ATP8A1: variants seen among roughly 807,000 people sequenced by gnomAD.
ATP8A1 encodes the protein ATPase phospholipid transporting 8A1, also known as phospholipid-transporting ATPase IA.
In ATP8A1, 90 loss-of-function variants were observed where a neutral mutation model predicts 177.7. The ratio of observed to expected loss-of-function variants is 0.51; its 90% CI spans 0.43 to 0.60. ATP8A1 has a LOEUF of 0.60. Ranked by LOEUF, ATP8A1 falls within the 20% of genes least tolerant of loss-of-function variation. The probability of loss-of-function intolerance (pLI) is 0.00; values close to 1 mark genes in which losing one functional copy is unlikely to be tolerated. For synonymous variants in ATP8A1, 493 were observed against 485.9 expected, an observed-to-expected ratio of 1.01 and a Z score of -0.19; for missense variants, 1,072 against 1,392.8, an observed-to-expected ratio of 0.77 and a Z score of 3.67.
chr4:42,610,792 A>C (rs7693893), intron 5 of ATP8A1, among the ~76,000 whole-genome samples: 31,396 of 152,112 alleles, frequency 0.21, 3,311 homozygotes, highest in African/African-American at 0.21. Context: ...GCTTAATTTT[A>C]AGTCCCTAGG....
At chr4:42,574,068 A>G (rs1732171817) in intron 14 of ATP8A1, among the ~76,000 whole-genome samples, 1 of 152,220 alleles carries the variant, frequency 6.6e-6, no homozygotes, top group East Asian at 1.9e-4. Context: ...TGGGTGCTCA[A>G]CAAGCAATTC....
intron 30 of ATP8A1, among the ~76,000 whole-genome samples, chr4:42,448,395 T>TTTA (rs1553874979): frequency 2.4e-5 from 2 of 84,100 alleles, no homozygotes; most frequent in African/African-American, 8.5e-5. Flanking sequence ...TCCTTCTCTT[T>TTTA]CTTTTCTTTT....
chr4:42,415,446 C>T (rs1431067793), intron 35 of ATP8A1, among the ~76,000 whole-genome samples: 1 of 148,428 alleles, frequency 6.7e-6, no homozygotes, highest in African/African-American at 2.5e-5. Context: ...AATAAGGCAT[C>T]TTCTCCCCCA....
At chr4:42,467,768 A>C (rs143991753) in intron 25 of ATP8A1, among the ~76,000 whole-genome samples, 2,721 of 152,324 alleles carry the variant, frequency 0.018, 40 homozygotes, top group Non-Finnish European at 0.028. Flanking sequence ...TAGTGATGTC[A>C]AGCATTTTTT....
rs1382238883 is a variant in ATP8A1, at chr4:42,434,541, T to C, written c.3123+9024A>G. On this transcript the variant is annotated intron_variant, in intron 33 of 36. Transcript: ENST00000381668. ...AAACTGACTTACATGGCTGAGACTT[T>C]TAGTTGCCCTTCATTCTATCAAATC... 7.2e-5 allele frequency among the ~76,000 whole-genome samples: 11 copies of C among 152,212 alleles called. No homozygotes were observed. In the East Asian group the frequency reaches 2.1e-3, roughly 29 times the overall value.
Position 42,414,000 on chromosome 4 carries a change from A to G in ATP8A1, c.3397+627T>C, listed in dbSNP as rs370102780. On this transcript the variant is annotated intron_variant, in intron 36 of 36. Transcript: ENST00000381668. Reference sequence around the variant, plus strand: ...GGCATGGGCATAAGGAATGGCCCCCAAGGGGATCACATCTTTAGAAAAGGC... The same window carrying G: ...GGCATGGGCATAAGGAATGGCCCCCGAGGGGATCACATCTTTAGAAAAGGC... Among the ~76,000 whole-genome samples the G allele has an allele frequency of 5.1e-4, 77 of 152,368 alleles. 1 individual carries two copies. In the East Asian group the frequency reaches 9.6e-3, roughly 19 times the overall value.
intron 4 of ATP8A1, among the ~76,000 whole-genome samples, chr4:42,616,620 C>T (rs1399933076): frequency 2.0e-5 from 3 of 152,174 alleles, no homozygotes; most frequent in South Asian, 4.1e-4. Flanking sequence ...ATACAGTCTC[C>T]CCTGTTCAAT....
At chr4:42,616,666 C>T (rs952974042) in intron 4 of ATP8A1, among the ~76,000 whole-genome samples, 13 of 152,262 alleles carry the variant, frequency 8.5e-5, no homozygotes, top group African/African-American at 2.6e-4. Context: ...CACTTGCAAC[C>T]GAAAGCCATT....
At chr4:42,482,279 G>A (rs1235112800) in intron 25 of ATP8A1, among the ~76,000 whole-genome samples, 1 of 151,780 alleles carries the variant, frequency 6.6e-6, no homozygotes, top group Non-Finnish European at 1.5e-5. Flanking sequence ...TCTCCACCCT[G>A]GGTGACAGAG....
intron 22 of ATP8A1, among the ~76,000 whole-genome samples, chr4:42,511,658 T>C (rs998401260): frequency 3.9e-5 from 6 of 152,326 alleles, no homozygotes; most frequent in Non-Finnish European, 8.8e-5. Context: ...ACATTTCTAC[T>C]GTAAGTGAGG....
intron 22 of ATP8A1, among the ~76,000 whole-genome samples, chr4:42,517,561 T>TC (rs1442762694): frequency 1.3e-5 from 2 of 152,168 alleles, no homozygotes; most frequent in Non-Finnish European, 2.9e-5. Context: ...AACTGAAATA[T>TC]CCCATATGAT....
intron 1 of ATP8A1, among the ~76,000 whole-genome samples, chr4:42,636,147 C>CGCGCGCGCGT (rs750560295): frequency 3.6e-4 from 8 of 21,942 alleles, no homozygotes; most frequent in South Asian, 1.4e-3. Flanking sequence ...CACACACACA[C>CGCGCGCGCGT]ACACACACAC....
chr4:42,647,135 C>T, intron 1 of ATP8A1, among the ~76,000 whole-genome samples: 1 of 152,202 alleles, frequency 6.6e-6, no homozygotes. Flanking sequence ...ATTATCTAAG[C>T]ACCCATATAA....
intron 35 of ATP8A1, among the ~76,000 whole-genome samples, chr4:42,421,634 T>C (rs911333869): frequency 2.0e-5 from 3 of 152,120 alleles, no homozygotes; most frequent in African/African-American, 7.2e-5. Context: ...TGTGATGTGT[T>C]CCTTCAGCAT....
chr4:42,481,458 G>C (rs1721662060), intron 25 of ATP8A1, among the ~76,000 whole-genome samples: 1 of 152,224 alleles, frequency 6.6e-6, no homozygotes, highest in South Asian at 2.1e-4. Context: ...AGGCCAGAGA[G>C]ATTCCATCAG....
intron 4 of ATP8A1, among the ~76,000 whole-genome samples, chr4:42,620,401 T>C (rs1737349328): frequency 6.6e-6 from 1 of 152,246 alleles, no homozygotes; most frequent in Admixed American, 6.5e-5. Flanking sequence ...GATTAGCAAC[T>C]TTCTAATAGT....
intron 25 of ATP8A1, among the ~76,000 whole-genome samples, chr4:42,483,984 A>C (rs912585736): frequency 6.6e-6 from 1 of 152,198 alleles, no homozygotes; most frequent in African/African-American, 2.4e-5. Context: ...ATTCTGTTTC[A>C]TGTTGTTTCC....
chr4:42,643,296 A>G (rs1215359617), intron 1 of ATP8A1, among the ~76,000 whole-genome samples: 2 of 152,264 alleles, frequency 1.3e-5, no homozygotes, highest in Non-Finnish European at 2.9e-5. Flanking sequence ...TCTGAAATCC[A>G]GATTTTAGGA....
At chr4:42,413,748 G>A (rs575665944) in intron 36 of ATP8A1, among the ~76,000 whole-genome samples, 32 of 152,164 alleles carry the variant, frequency 2.1e-4, no homozygotes, top group African/African-American at 3.9e-4. Context: ...GACTCACAGC[G>A]GGCTGAATCC....
Sources: allele counts gnomAD v4.1 joint callset (sites outside exome capture counted in the v4.1 genomes callset), GRCh38; gene constraint gnomAD v4.1.1; transcripts MANE v1.5; gene names NCBI Gene and HGNC (gene_info 2026-07-23, HGNC 2026-07-21).